Variants in PANK4 observed in about 807,000 individuals in gnomAD.
PANK4 encodes the protein pantothenate kinase 4 (inactive).
A neutral mutation model predicts 87.9 loss-of-function variants in PANK4; 40 were observed. The observed-to-expected ratio is 0.46, with a 90% confidence interval of 0.35 to 0.59. PANK4 has a LOEUF of 0.59. PANK4 is among the 20% of genes least tolerant of loss of function. PANK4 has a pLI of 0.00. For missense variants in PANK4, 926 were observed against 1,072.3 expected, an observed-to-expected ratio of 0.86 and a Z score of 1.90; for synonymous variants, 524 against 467.4, an observed-to-expected ratio of 1.12 and a Z score of -1.56.
At chr1:2,512,042 G>A (rs915259142) in intron 13 of PANK4, among the ~76,000 whole-genome samples, 7 of 152,196 alleles carry the variant, frequency 4.6e-5, no homozygotes, top group African/African-American at 1.7e-4. Flanking sequence ...GAGAGCACAG[G>A]CTGTTTCTCA....
In PANK4 at chr1:2,508,809, A is replaced by G. The variant is rs540301072; in HGVS notation, c.*38T>C. On this transcript the variant is annotated 3_prime_UTR_variant, in exon 19 of 19. Transcript: ENST00000378466. The surrounding 1 kb of genome is among the most constrained non-coding windows in gnomAD (Gnocchi z 5.1). The stretch of plus-strand genomic sequence containing the variant: ...CTGTGGTGGTAAAAACACATTCCTG[A>G]CAAGTGACAAGCAGAAGAGTCCGGC... The G allele has an allele frequency of 5.6e-6, 7 of 1,250,152 alleles. No homozygotes were observed. The highest frequency in any genetic ancestry group is 5.0e-5 in the South Asian group (4 of 79,652). 77.4% of individuals were successfully genotyped at this position (1,250,152 alleles called of 1,614,324 possible). A position where few individuals can be genotyped will look rare whatever the true frequency, so the allele number is the denominator to read the frequency against.
intron 9 of PANK4, 37 bp downstream of exon 9, chr1:2,518,126 TC>T: frequency 7.5e-7 from 1 of 1,337,514 alleles, no homozygotes; most frequent in South Asian, 1.2e-5. Context: ...CATAGGCTGC[TC>T]CCCTGGGGCC....
chr1:2,523,060 T>C (rs572035420), intron 1 of PANK4, among the ~76,000 whole-genome samples: 230 of 151,936 alleles, frequency 1.5e-3, no homozygotes, highest in African/African-American at 5.1e-3. Context: ...ATCATGAGAG[T>C]AATGAGGCTA....
rs760732466 is a variant in PANK4 at position 2,519,975 on chromosome 1, G to T, written c.700-21C>A. ...AACTTCTGCAGGACACGGCGAGGGGGCGGGTGAGGCGCCAGGAGCTGCTGG... is the reference window on the plus strand; with the variant it reads ...AACTTCTGCAGGACACGGCGAGGGGTCGGGTGAGGCGCCAGGAGCTGCTGG... On this transcript the variant is annotated intron_variant, in intron 5 of 18. Coordinates refer to ENST00000378466, the MANE Select transcript of PANK4 (RefSeq NM_018216.4). This position sits in a 1 kb window ranked among gnomAD's most constrained non-coding sequence, Gnocchi z 8.3. The T allele has an allele frequency of 2.0e-6, 3 of 1,530,734 alleles. No individual in the cohort carries two copies. Among genetic ancestry groups the T allele is most frequent in the African/African-American group, 1.4e-5 (1 of 73,034 alleles). The allele number at this position is 1,530,734 out of a possible 1,614,324, so 94.8% of individuals were successfully genotyped here. A position where few individuals can be genotyped will look rare whatever the true frequency, so the allele number is the denominator to read the frequency against.
chr1:2,523,631 CCT>C (rs1357896371), intron 1 of PANK4, among the ~76,000 whole-genome samples: 3 of 152,200 alleles, frequency 2.0e-5, no homozygotes, highest in Non-Finnish European at 2.9e-5. Context: ...ATCCTCCCTC[CCT>C]GAGACCCCTG....
At position 2,509,266 on chromosome 1, in the gene PANK4, C is replaced by T. The variant is rs1643619540; in HGVS notation, c.2109-206G>A. On this transcript the variant is annotated intron_variant, in intron 18 of 18. Coordinates refer to ENST00000378466, the MANE Select transcript of PANK4 (RefSeq NM_018216.4). The surrounding 1 kb of genome is among the most constrained non-coding windows in gnomAD (Gnocchi z 4.9). ...TCACACAGGGCCAGAGCAGCTGCAG[C>T]TTGGAAACTCTGCCCTAGATCTCCT... is the stretch of plus-strand genomic sequence containing the variant. Among the ~76,000 whole-genome samples the T allele has an allele frequency of 6.6e-6, 1 of 152,206 alleles. No individual in the cohort carries two copies. The highest frequency in any genetic ancestry group is 2.4e-5 in the African/African-American group (1 of 41,454).
rs954658334 is a variant in PANK4, at chr1:2,519,617, G to A, written c.853+184C>T. On this transcript the variant is annotated intron_variant, in intron 6 of 18. Coordinates refer to ENST00000378466, the MANE Select transcript of PANK4 (RefSeq NM_018216.4). This position sits in a 1 kb window ranked among gnomAD's most constrained non-coding sequence, Gnocchi z 8.3. ...ACCAAGACCGTGGCGTTTATCTGCC[G>A]ACGTTCTGAGCAGTGGGCCTGAGCT... Among the ~76,000 whole-genome samples the A allele has an allele frequency of 5.3e-5, 8 of 152,246 alleles. No homozygotes were observed. Among genetic ancestry groups the A allele is most frequent in the Non-Finnish European group, 8.8e-5 (6 of 68,046 alleles).
At position 2,520,846 on chromosome 1, in the gene PANK4, G is replaced by A. The variant is rs1244312977; in HGVS notation, c.483C>T (p.Asn161=). 16 of 1,591,160 alleles carry A rather than the reference G, an allele frequency of 1.0e-5. No individual in the cohort carries two copies. The Admixed American group carries it at 1.6e-4, about 16-fold the overall frequency. Residue 161 remains asparagine (N), a synonymous_variant, in exon 4 of 19, where the codon AAC becomes AAT. Transcript: ENST00000378466. The surrounding 1 kb of genome is among the most constrained non-coding windows in gnomAD (Gnocchi z 6.2). ...LIKGCNFVLK[N]IPHEAFVYQK... ...GGTACACGAAGGCCTCATGGGGGAT[G>A]TTCTTGAGCACGAAGTTGCACCCCT...
chr1:2,518,236 G>A lies in PANK4; in HGVS notation c.1146C>T (p.Asn382=), dbSNP rs1218981832. ...DNPNQYSWGE[N]YAGSSGLMSA... ...TCATCAGCCCGGAGCTGCCTGCATAGTTCTCTCCCCAGCTGTACTGGTTAG... is the reference window on the plus strand; with the variant it reads ...TCATCAGCCCGGAGCTGCCTGCATAATTCTCTCCCCAGCTGTACTGGTTAG... The change falls in exon 9 of 19, where the codon AAC becomes AAT. Residue 382 remains asparagine, a synonymous_variant. Transcript: ENST00000378466. 4 of 1,612,008 alleles carry A rather than the reference G, an allele frequency of 2.5e-6. No homozygotes were observed. Among genetic ancestry groups the A allele is most frequent in the Admixed American group, 1.7e-5 (1 of 59,998 alleles).
chr1:2,514,847 G>C (rs1643738434), intron 10 of PANK4, among the ~76,000 whole-genome samples: 2 of 152,064 alleles, frequency 1.3e-5, no homozygotes, highest in Admixed American at 6.5e-5. Flanking sequence ...GGAGGCAGGA[G>C]CAGGAGTGAC....
In PANK4 at chr1:2,519,001, G is replaced by A; in HGVS notation, c.1035+142C>T. On this transcript the variant is annotated intron_variant, in intron 7 of 18. Coordinates refer to ENST00000378466, the MANE Select transcript of PANK4 (RefSeq NM_018216.4). This position sits in a 1 kb window ranked among gnomAD's most constrained non-coding sequence, Gnocchi z 8.3. ...ACAAAATGTAGGCTGCCCAGAATCA[G>A]TCAGAAGGGAGGGGTGCTGGGCTTC... 1.3e-6 allele frequency: 1 copy of A among 758,110 alleles called. No homozygotes were observed. The highest frequency in any genetic ancestry group is 2.2e-6 in the Non-Finnish European group (1 of 461,734). 47.0% of individuals were successfully genotyped at this position (758,110 alleles called of 1,614,324 possible).
intron 11 of PANK4, 70 bp downstream of exon 11, chr1:2,514,284 C>T (rs1643717897): frequency 7.6e-7 from 1 of 1,308,540 alleles, no homozygotes; most frequent in Non-Finnish European, 1.1e-6. Flanking sequence ...AACATCACGG[C>T]ACTTTCTCAG....
chr1:2,510,149 C>T lies in PANK4; in HGVS notation c.1947G>A (p.Leu649=). The T allele has an allele frequency of 2.5e-6, 4 of 1,602,380 alleles. No homozygotes were observed. The highest frequency in any genetic ancestry group is 3.4e-6 in the Non-Finnish European group (4 of 1,173,794). Residue 649 remains leucine, a synonymous_variant, in exon 17 of 19, where the codon CTG becomes CTA. Coordinates refer to ENST00000378466, the MANE Select transcript of PANK4 (RefSeq NM_018216.4). The surrounding 1 kb of genome is among the most constrained non-coding windows in gnomAD (Gnocchi z 4.9). ...TCAGGGCGGGGCCTGAGTTGCACGC[C>T]AGGATGACCTGCAGGAGGAGGGCCC... ...ELLLRGTEVI[L]ACNSGPALND... is the part of the protein sequence containing the mutation.
chr1:2,511,307 A>G, intron 15 of PANK4, 31 bp downstream of exon 15: 1 of 1,550,756 alleles, frequency 6.4e-7, no homozygotes, highest in Non-Finnish European at 8.9e-7. Flanking sequence ...CTGTGTCCCC[A>G]GCAGCAGAGG....
chr1:2,515,685 C>T lies in PANK4; in HGVS notation c.1251G>A (p.Arg417=). ...GGAGGAGCGGCAGGTCAACCAGTGG[C>T]CTCTCCAGCCGGTCCATTTCCAGCA... ...FDLLEMDRLE[R]PLVDLPLLLD... is the part of the protein sequence containing the mutation. The change falls in exon 10 of 19, where the codon AGG becomes AGA. Residue 417 remains arginine (R), a synonymous_variant. Coordinates refer to ENST00000378466, the MANE Select transcript of PANK4 (RefSeq NM_018216.4). This position sits in a 1 kb window ranked among gnomAD's most constrained non-coding sequence, Gnocchi z 5.0. 6.2e-7 allele frequency: 1 copy of T among 1,612,226 alleles called. No individual in the cohort carries two copies. Among genetic ancestry groups the T allele is most frequent in the Non-Finnish European group, 8.5e-7 (1 of 1,179,800 alleles).
rs1268780532 is a variant in PANK4 at position 2,520,761 on chromosome 1, G to A, written c.568C>T (p.Leu190Phe). 2 of 1,613,400 alleles carry A rather than the reference G, an allele frequency of 1.2e-6. No individual in the cohort carries two copies. The highest frequency in any genetic ancestry group is 1.3e-5 in the African/African-American group (1 of 74,876). Residue 190 changes from leucine to phenylalanine, a missense_variant, in exon 4 of 19, where the codon CTT becomes TTT. By Grantham distance (22) the Leu-to-Phe change is conservative (BLOSUM62 0). Transcript: ENST00000378466. The surrounding 1 kb of genome is among the most constrained non-coding windows in gnomAD (Gnocchi z 6.2). ...QTNHPHIFPY[L>F]LVNIGSGVSI... is the part of the protein sequence containing the mutation. ...ACTCCAGAGCCGATATTGACAAGAAGATAGGGGAAAATGTGGGGGTGGTTG... is the reference window on the plus strand; with the variant it reads ...ACTCCAGAGCCGATATTGACAAGAAAATAGGGGAAAATGTGGGGGTGGTTG...
At chr1:2,521,399 G>T in intron 2 of PANK4, 84 bp from the exon 3 acceptor site, 1 of 1,089,020 alleles carries the variant, frequency 9.2e-7, no homozygotes, top group Non-Finnish European at 1.4e-6. Flanking sequence ...AGTGGAGCTG[G>T]CTGTTCGCGC....
intron 13 of PANK4, chr1:2,512,593 T>C: frequency 6.8e-6 from 3 of 439,872 alleles, no homozygotes; most frequent in Non-Finnish European, 1.2e-5. Context: ...ATTTGGATTC[T>C]GACAATAGAA....
At position 2,515,017 on chromosome 1, in the gene PANK4, C is replaced by T. The variant is rs535296717; in HGVS notation, c.1374+545G>A. Among the ~76,000 whole-genome samples, 209 of 152,284 alleles carry T rather than the reference C, an allele frequency of 1.4e-3. No homozygotes were observed. Among genetic ancestry groups the T allele is most frequent in the African/African-American group, 4.6e-3 (193 of 41,560 alleles). ...CCCTCAGGACAAACCCTGGCACGAC[C>T]CGGCCTCTCCGAGGGCTTCGTGAAG... is the stretch of plus-strand genomic sequence containing the variant. On this transcript the variant is annotated intron_variant, in intron 10 of 18. Coordinates refer to ENST00000378466, the MANE Select transcript of PANK4 (RefSeq NM_018216.4). The surrounding 1 kb of genome is among the most constrained non-coding windows in gnomAD (Gnocchi z 5.0).
Sources: allele counts gnomAD v4.1 joint callset (sites outside exome capture counted in the v4.1 genomes callset), GRCh38; gene constraint gnomAD v4.1.1; non-coding constraint Gnocchi (gnomAD v3.1); transcripts MANE v1.5; gene names NCBI Gene and HGNC (gene_info 2026-07-23, HGNC 2026-07-21).